SCD5: variants seen among roughly 807,000 people sequenced by gnomAD.
The protein encoded by SCD5 is acyl-CoA-desaturase 4.
In SCD5, 20 loss-of-function variants were observed where a neutral mutation model predicts 30.4. The observed-to-expected ratio is 0.66, with a 90% CI of 0.46 to 0.96. The LOEUF (loss-of-function observed/expected upper bound fraction) is 0.96. SCD5 is among the 40% of genes least tolerant of loss of function. The pLI is 0.00. For missense variants in SCD5, 381 were observed against 443.3 expected, an observed-to-expected ratio of 0.86 and a Z score of 1.26; for synonymous variants, 173 against 176.4, an observed-to-expected ratio of 0.98 and a Z score of 0.16.
At chr4:82,640,660 C>T (rs992259263) in intron 3 of SCD5, among the ~76,000 whole-genome samples, 13 of 152,196 alleles carry the variant, frequency 8.5e-5, no homozygotes, top group Admixed American at 8.5e-4. Context: ...TCCCTTCCTC[C>T]TGTGCACTTT....
chr4:82,668,864 T>C (rs185893175), intron 3 of SCD5, among the ~76,000 whole-genome samples: 160 of 152,370 alleles, frequency 1.1e-3, no homozygotes, highest in Non-Finnish European at 1.8e-3. Flanking sequence ...GTTTAGATGC[T>C]TGGATGTCTC....
intron 2 of SCD5, among the ~76,000 whole-genome samples, chr4:82,681,430 A>T (rs955799976): frequency 6.6e-6 from 1 of 152,210 alleles, no homozygotes; most frequent in Non-Finnish European, 1.5e-5. Context: ...TCCTTCAGGC[A>T]TATACCCAGT....
At chr4:82,762,673 G>A (rs1031160499) in intron 1 of SCD5, among the ~76,000 whole-genome samples, 6 of 152,246 alleles carry the variant, frequency 3.9e-5, no homozygotes, top group African/African-American at 1.4e-4. Context: ...TGTGGGTGGA[G>A]CGAGCTGGTG....
In SCD5 at chr4:82,631,641, A is replaced by C. The variant is rs560150343; in HGVS notation, c.803-124T>G. On this transcript the variant is annotated intron_variant, in intron 4 of 4. Transcript: ENST00000319540. ...TGGTGTCAGCCTCTGTGAGGAGCAA[A>C]AGACTTGGTTACTGACTCCAAAGGC... is the stretch of plus-strand genomic sequence containing the variant. 121 of 991,816 alleles carry C rather than the reference A, an allele frequency of 1.2e-4. 1 individual carries two copies. In the African/African-American group the frequency reaches 1.8e-3, roughly 15 times the overall value. 61.4% of individuals were successfully genotyped at this position (991,816 alleles called of 1,614,324 possible).
rs779343756 is a variant in SCD5 at position 82,631,567 on chromosome 4, T to C, written c.803-50A>G. 8.2e-6 allele frequency: 13 copies of C among 1,576,304 alleles called. No homozygotes were observed. The South Asian group carries it at 1.3e-4, about 15-fold the overall frequency. On this transcript the variant is annotated intron_variant, in intron 4 of 4. Coordinates refer to ENST00000319540, the MANE Select transcript of SCD5 (RefSeq NM_001037582.3). ...ATAATTCAATCACCACCTCTCTGCA[T>C]AGATGTTTTGAATCACCTATTTTTT...
chr4:82,665,509 CAAA>C (rs927185953), intron 3 of SCD5, among the ~76,000 whole-genome samples: 22 of 151,840 alleles, frequency 1.4e-4, no homozygotes, highest in African/African-American at 4.8e-4. Context: ...TGATACAAAT[CAAA>C]AATTATGTAA....
chr4:82,695,651 G>A (rs1196421024), intron 2 of SCD5, among the ~76,000 whole-genome samples: 1 of 152,184 alleles, frequency 6.6e-6, no homozygotes, highest in East Asian at 1.9e-4. Flanking sequence ...GATGTCACAT[G>A]GGTAACCAGA....
chr4:82,760,941 G>A (rs891517238), intron 1 of SCD5, among the ~76,000 whole-genome samples: 1 of 152,214 alleles, frequency 6.6e-6, no homozygotes, highest in African/African-American at 2.4e-5. Flanking sequence ...TAACAAGAGT[G>A]TGGGTGAAAA....
chr4:82,791,632 T>C (rs560768691), intron 1 of SCD5, among the ~76,000 whole-genome samples: 2 of 152,238 alleles, frequency 1.3e-5, no homozygotes, highest in African/African-American at 4.8e-5. Flanking sequence ...TGCATTCATT[T>C]GATTCCAGGT....
chr4:82,641,419 T>C (rs753157259), intron 3 of SCD5, among the ~76,000 whole-genome samples: 2 of 151,788 alleles, frequency 1.3e-5, no homozygotes, highest in South Asian at 2.1e-4. Context: ...TAGTGGTAAA[T>C]ACCAGGAAGA....
At chr4:82,743,742 G>C (rs1185504921) in intron 1 of SCD5, among the ~76,000 whole-genome samples, 1 of 149,590 alleles carries the variant, frequency 6.7e-6, no homozygotes, top group Non-Finnish European at 1.5e-5. Flanking sequence ...GGCTAGTCTT[G>C]AACTCCTAGC....
intron 1 of SCD5, among the ~76,000 whole-genome samples, chr4:82,782,191 C>CTG (rs1721888537): frequency 6.6e-6 from 1 of 151,510 alleles, no homozygotes; most frequent in Non-Finnish European, 1.5e-5. Flanking sequence ...AGGGGCATGA[C>CTG]TGATCGAGGG....
chr4:82,753,749 C>T (rs943714984), intron 1 of SCD5, among the ~76,000 whole-genome samples: 1 of 152,118 alleles, frequency 6.6e-6, no homozygotes, highest in African/African-American at 2.4e-5. Context: ...CCCCTTTTCC[C>T]CTGACTCCAG....
In SCD5 at chr4:82,631,495, A is replaced by C; in HGVS notation, c.825T>G (p.His275Gln). 2 of 1,614,122 alleles carry C rather than the reference A, an allele frequency of 1.2e-6. No homozygotes were observed. Among genetic ancestry groups the C allele is most frequent in the Non-Finnish European group, 1.7e-6 (2 of 1,179,970 alleles). ...GAIGEGFHNY[H>Q]HTFPFDYSAS... ...CAGAGTAGTCAAAGGGAAAGGTGTG[A>C]TGGTAATTATGGAAGCCTTCACCTG... Residue 275 changes from histidine to glutamine, a missense_variant, in exon 5 of 5, where the codon CAT (histidine) becomes CAG (glutamine). By Grantham distance (24) the His-to-Gln change is conservative. Coordinates refer to ENST00000319540, the MANE Select transcript of SCD5 (RefSeq NM_001037582.3).
At chr4:82,786,917 A>T (rs941090148) in intron 1 of SCD5, among the ~76,000 whole-genome samples, 2 of 151,496 alleles carry the variant, frequency 1.3e-5, no homozygotes, top group Non-Finnish European at 2.9e-5. Flanking sequence ...AAGGTTTTAC[A>T]CAATGGCTAT....
intron 3 of SCD5, among the ~76,000 whole-genome samples, chr4:82,670,542 A>G (rs1056764916): frequency 2.6e-5 from 4 of 152,160 alleles, no homozygotes; most frequent in Admixed American, 1.3e-4. Context: ...GAAAAAAGAA[A>G]AATTGCAACA....
At chr4:82,787,236 C>CT (rs2148853164) in intron 1 of SCD5, among the ~76,000 whole-genome samples, 1 of 151,992 alleles carries the variant, frequency 6.6e-6, no homozygotes, top group African/African-American at 2.4e-5. Context: ...ACCAAGAAAA[C>CT]GATCAGTCTG....
chr4:82,664,491 C>T (rs1487269478), intron 3 of SCD5, among the ~76,000 whole-genome samples: 1 of 152,128 alleles, frequency 6.6e-6, no homozygotes, highest in East Asian at 1.9e-4. Flanking sequence ...ATTAATAGAA[C>T]CATTCTCAGA....
At chr4:82,724,470 A>T (rs61520134) in intron 1 of SCD5, among the ~76,000 whole-genome samples, 79,328 of 151,792 alleles carry the variant, frequency 0.52, 21,817 homozygotes, top group African/African-American at 0.69. Flanking sequence ...ATAAATAAAT[A>T]AAACAGACCT....
Sources: gnomAD v4.1 joint callset for allele counts (sites outside exome capture counted in the v4.1 genomes callset) on GRCh38, gnomAD v4.1.1 for gene constraint, MANE v1.5 for transcripts, NCBI Gene and HGNC (gene_info 2026-07-23, HGNC 2026-07-21) for gene names.